Variants in CSRNP3 observed in about 807,000 individuals in gnomAD.
The protein encoded by CSRNP3 is cysteine and serine rich nuclear protein 3, also known as cysteine/serine-rich nuclear protein 3.
CSRNP3 carries 12 observed loss-of-function variants against 48.0 expected under a neutral mutation model. That is an observed-to-expected ratio of 0.25 (90% CI 0.16 to 0.41). The LOEUF is 0.41. CSRNP3 is among the 10% of genes least tolerant of loss of function. The pLI, the probability that CSRNP3 is intolerant of heterozygous loss-of-function variation, is 1.00. For synonymous variants in CSRNP3, 263 were observed against 269.7 expected (o/e 0.98, Z 0.24); for missense variants, 580 against 724.4 (o/e 0.80, Z 2.29).
intron 4 of CSRNP3, among the ~76,000 whole-genome samples, chr2:165,626,953 G>T (rs573551939): frequency 3.9e-5 from 6 of 152,190 alleles, no homozygotes; most frequent in South Asian, 4.2e-4. Context: ...TAGCCTTGTT[G>T]CTGGCCTCGT....
intron 4 of CSRNP3, among the ~76,000 whole-genome samples, chr2:165,617,199 C>T (rs1349693368): frequency 6.6e-6 from 1 of 151,878 alleles, no homozygotes; most frequent in Non-Finnish European, 1.5e-5. Flanking sequence ...TTACGGTTTT[C>T]GTTTGGAAGT....
chr2:165,592,799 T>G (rs1558943732), intron 3 of CSRNP3, among the ~76,000 whole-genome samples: 2 of 86,716 alleles, frequency 2.3e-5, no homozygotes, highest in Non-Finnish European at 4.8e-5. Context: ...TAAACCTCTT[T>G]TCATTTTTTT....
intron 4 of CSRNP3, among the ~76,000 whole-genome samples, chr2:165,647,103 A>C (rs191022020): frequency 1.6e-3 from 239 of 152,226 alleles, no homozygotes; most frequent in Admixed American, 2.6e-3. Flanking sequence ...AGTACTCGGC[A>C]TATGTAATGC....
intron 4 of CSRNP3, among the ~76,000 whole-genome samples, chr2:165,646,680 C>T (rs1686816916): frequency 6.6e-6 from 1 of 152,084 alleles, no homozygotes; most frequent in African/African-American, 2.4e-5. Context: ...CTCTTGGTTG[C>T]AACAGCGCGG....
intron 3 of CSRNP3, chr2:165,574,183 C>A: frequency 2.0e-6 from 1 of 501,722 alleles, no homozygotes. Flanking sequence ...TCCGTTTCAG[C>A]TGCTGGAGGA....
intron 3 of CSRNP3, among the ~76,000 whole-genome samples, chr2:165,540,924 G>A (rs1684948118): frequency 6.6e-6 from 1 of 151,978 alleles, no homozygotes; most frequent in Non-Finnish European, 1.5e-5. Context: ...AACTTCCCAG[G>A]AACATTTTGT....
chr2:165,481,879 T>C (rs1352916569), intron 1 of CSRNP3, among the ~76,000 whole-genome samples: 1 of 151,938 alleles, frequency 6.6e-6, no homozygotes, highest in Admixed American at 6.6e-5. Flanking sequence ...AGCTAAATAC[T>C]GAATACATAT....
intron 4 of CSRNP3, among the ~76,000 whole-genome samples, chr2:165,614,274 T>C (rs746762189): frequency 5.3e-5 from 8 of 152,200 alleles, no homozygotes; most frequent in Non-Finnish European, 7.4e-5. Context: ...ATTTGTATGC[T>C]GATTATGTAT....
chr2:165,680,334 T>G lies in CSRNP3; in HGVS notation c.*581T>G, dbSNP rs1474432357. 6.5e-6 allele frequency: 1 copy of G among 152,926 alleles called. No individual in the cohort carries two copies. The highest frequency in any genetic ancestry group is 2.4e-5 in the African/African-American group (1 of 41,444). 9.5% of individuals were successfully genotyped at this position (152,926 alleles called of 1,614,324 possible). The stretch of plus-strand genomic sequence containing the variant: ...ATGCCCACATGGATTGCATCTGGAA[T>G]CCATTCACATTTTTATGATCATGAC... On this transcript the variant is annotated 3_prime_UTR_variant, in exon 7 of 7. Coordinates refer to ENST00000651982, the MANE Select transcript of CSRNP3 (RefSeq NM_001172173.2).
rs116159711 is a variant in CSRNP3 at position 165,602,219 on chromosome 2, T to C, written c.148+7006T>C. 8.5e-3 allele frequency among the ~76,000 whole-genome samples: 1,300 copies of C among 152,182 alleles called. 23 individuals are homozygous for C. Among genetic ancestry groups the C allele is most frequent in the African/African-American group, 0.03 (1,237 of 41,510 alleles). On this transcript the variant is annotated intron_variant, in intron 4 of 6. Coordinates refer to ENST00000651982, the MANE Select transcript of CSRNP3 (RefSeq NM_001172173.2). ...GACATCATGACGCTCAAAAGATCCTTTCTAGCCTGTAATAATATGCTTATA... is the reference window on the plus strand; with the variant it reads ...GACATCATGACGCTCAAAAGATCCTCTCTAGCCTGTAATAATATGCTTATA...
intron 3 of CSRNP3, among the ~76,000 whole-genome samples, chr2:165,585,370 G>A (rs973507931): frequency 4.6e-5 from 7 of 152,018 alleles, no homozygotes; most frequent in Admixed American, 3.3e-4. Flanking sequence ...TGCCAGCTAA[G>A]CTCTTCCGAC....
chr2:165,474,874 A>G (rs1683940497), intron 1 of CSRNP3, among the ~76,000 whole-genome samples: 1 of 152,322 alleles, frequency 6.6e-6, no homozygotes. Flanking sequence ...TTGACCTACT[A>G]TCACAGTCTC....
intron 4 of CSRNP3, among the ~76,000 whole-genome samples, chr2:165,650,871 T>G (rs914697471): frequency 1.3e-5 from 2 of 152,222 alleles, no homozygotes; most frequent in African/African-American, 4.8e-5. Context: ...TATTATTGAC[T>G]TTAGACCCAA....
At chr2:165,486,034 C>T (rs556653028) in intron 1 of CSRNP3, among the ~76,000 whole-genome samples, 1,563 of 151,766 alleles carry the variant, frequency 0.01, 17 homozygotes, top group African/African-American at 0.035. Flanking sequence ...TCTGAGGTAC[C>T]GGGTTCATCT....
intron 2 of CSRNP3, among the ~76,000 whole-genome samples, chr2:165,512,379 G>A (rs997262318): frequency 5.3e-5 from 8 of 152,248 alleles, no homozygotes; most frequent in African/African-American, 1.9e-4. Context: ...CAGATTTCCA[G>A]AAATTGTAAT....
chr2:165,681,507 G>T lies in CSRNP3; in HGVS notation c.*1754G>T, dbSNP rs1199713660. ...AGTTTCTACTAAACTTTGTTTTGGG[G>T]AAAAAATGTTTACTTGGCAGCTCTT... is the stretch of plus-strand genomic sequence containing the variant. On this transcript the variant is annotated 3_prime_UTR_variant, in exon 7 of 7. Transcript: ENST00000651982. The T allele has an allele frequency of 6.6e-6, 1 of 151,462 alleles. No homozygotes were observed. The highest frequency in any genetic ancestry group is 1.5e-5 in the Non-Finnish European group (1 of 67,878). 9.4% of individuals were successfully genotyped at this position (151,462 alleles called of 1,614,324 possible).
At chr2:165,595,853 G>A (rs765354232) in intron 4 of CSRNP3, among the ~76,000 whole-genome samples, 6 of 152,190 alleles carry the variant, frequency 3.9e-5, no homozygotes, top group Non-Finnish European at 7.3e-5. Context: ...CTGGAGTGCA[G>A]TGGCATGAAC....
At position 165,481,902 on chromosome 2, in the gene CSRNP3, G is replaced by C. The variant is rs1051639997; in HGVS notation, c.-283+12162G>C. ...ACTGAATACATATGGACACAAAGAC[G>C]GGAACAATAGGTACTGGGGAGGGCT... On this transcript the variant is annotated intron_variant, in intron 1 of 6. Coordinates refer to ENST00000651982, the MANE Select transcript of CSRNP3 (RefSeq NM_001172173.2). Among the ~76,000 whole-genome samples the C allele has an allele frequency of 3.3e-5, 5 of 151,978 alleles. No homozygotes were observed. In the East Asian group the frequency reaches 9.7e-4, roughly 29 times the overall value.
At chr2:165,507,158 T>G (rs979533200) in intron 2 of CSRNP3, among the ~76,000 whole-genome samples, 4 of 152,144 alleles carry the variant, frequency 2.6e-5, no homozygotes, top group Non-Finnish European at 4.4e-5. Flanking sequence ...ATTTTCTGGT[T>G]AATAAAAAGA....
Sources: allele counts gnomAD v4.1 joint callset (sites outside exome capture counted in the v4.1 genomes callset), GRCh38; gene constraint gnomAD v4.1.1; transcripts MANE v1.5; gene names NCBI Gene and HGNC (gene_info 2026-07-23, HGNC 2026-07-21).